AKAP13: variants seen among roughly 807,000 people sequenced by gnomAD.
The protein encoded by AKAP13 is A-kinase anchor protein 13.
Under a neutral mutation model 264.5 loss-of-function variants are expected in AKAP13, and 80 were observed. The ratio of observed to expected loss-of-function variants is 0.30; its 90% CI spans 0.25 to 0.36. The LOEUF (loss-of-function observed/expected upper bound fraction) is 0.36. Ranked by LOEUF, AKAP13 falls within the 10% of genes least tolerant of loss-of-function variation. The pLI, the probability that AKAP13 is intolerant of heterozygous loss-of-function variation, is 1.00. For missense variants in AKAP13, 3,712 were observed against 3,435.2 expected, an observed-to-expected ratio of 1.08 and a Z score of -2.01; for synonymous variants, 1,380 against 1,250.2, an observed-to-expected ratio of 1.10 and a Z score of -2.19.
intron 4 of AKAP13, among the ~76,000 whole-genome samples, 161 bp from the exon 5 acceptor site, chr15:85,543,611 C>A (rs1261729882): frequency 6.6e-6 from 1 of 152,198 alleles, no homozygotes; most frequent in Non-Finnish European, 1.5e-5. Flanking sequence ...AGGGCTGATT[C>A]TACCTGGCCA....
chr15:85,618,761 T>A (rs1290611475), intron 8 of AKAP13, among the ~76,000 whole-genome samples: 2 of 152,168 alleles, frequency 1.3e-5, no homozygotes, highest in Admixed American at 1.3e-4. Flanking sequence ...CAACAAATAT[T>A]AACATACACA....
At chr15:85,601,557 A>T (rs537155438) in intron 8 of AKAP13, among the ~76,000 whole-genome samples, 1 of 150,662 alleles carries the variant, frequency 6.6e-6, no homozygotes, top group Admixed American at 6.6e-5. Context: ...TTATCACATT[A>T]AACTGCCAAT....
chr15:85,679,763 T>G (rs1422598628), intron 14 of AKAP13, among the ~76,000 whole-genome samples: 1 of 152,236 alleles, frequency 6.6e-6, no homozygotes, highest in African/African-American at 2.4e-5. Context: ...AGTTGAAATA[T>G]ATTATTTACC....
At chr15:85,462,762 C>T (rs1171338736) in intron 1 of AKAP13, among the ~76,000 whole-genome samples, 3 of 152,154 alleles carry the variant, frequency 2.0e-5, no homozygotes, top group East Asian at 1.9e-4. Context: ...TGGTGGCTCA[C>T]GCCTGTAATC....
At chr15:85,494,687 G>A (rs904558882) in intron 2 of AKAP13, among the ~76,000 whole-genome samples, 2 of 152,164 alleles carry the variant, frequency 1.3e-5, no homozygotes, top group Admixed American at 6.5e-5. Flanking sequence ...GAGAGATTGA[G>A]GGAAGTTGCC....
chr15:85,689,189 A>G (rs530547819), intron 16 of AKAP13, among the ~76,000 whole-genome samples: 14 of 152,348 alleles, frequency 9.2e-5, no homozygotes, highest in African/African-American at 3.4e-4. Flanking sequence ...AGTATACTAC[A>G]TGACTTTGTA....
chr15:85,643,436 A>C (rs1246492964), intron 9 of AKAP13, among the ~76,000 whole-genome samples: 1 of 152,210 alleles, frequency 6.6e-6, no homozygotes, highest in Non-Finnish European at 1.5e-5. Flanking sequence ...AGCGCAAATA[A>C]TTCAGTGATT....
At chr15:85,387,952 T>A (rs2070661194) in intron 1 of AKAP13, among the ~76,000 whole-genome samples, 1 of 152,122 alleles carries the variant, frequency 6.6e-6, no homozygotes, top group Non-Finnish European at 1.5e-5. Flanking sequence ...TTTTGTAGAT[T>A]TTTGGAATTT....
chr15:85,736,413 T>A (rs917107674), intron 33 of AKAP13, among the ~76,000 whole-genome samples: 22 of 133,552 alleles, frequency 1.6e-4, no homozygotes, highest in African/African-American at 5.5e-4. Flanking sequence ...GGAAGCCTCT[T>A]GCTGTTTTTT....
chr15:85,723,454 G>C, intron 26 of AKAP13, 134 bp downstream of exon 26: 1 of 1,264,010 alleles, frequency 7.9e-7, no homozygotes. Context: ...GGAGCAACAA[G>C]CATTTAGTTC....
chr15:85,421,495 T>G (rs1482364801), intron 1 of AKAP13, among the ~76,000 whole-genome samples: 1 of 152,280 alleles, frequency 6.6e-6, no homozygotes, highest in Non-Finnish European at 1.5e-5. Flanking sequence ...TTTGATCATT[T>G]CTGTCACTGT....
chr15:85,551,035 C>G (rs565249550), intron 5 of AKAP13, among the ~76,000 whole-genome samples: 2 of 152,298 alleles, frequency 1.3e-5, no homozygotes, highest in African/African-American at 2.4e-5. Flanking sequence ...GTTAGTCGCT[C>G]TTTTCACAAC....
At chr15:85,441,538 G>A (rs981228287) in intron 1 of AKAP13, among the ~76,000 whole-genome samples, 1 of 151,708 alleles carries the variant, frequency 6.6e-6, no homozygotes, top group Non-Finnish European at 1.5e-5. Context: ...TTTCTTTTAT[G>A]GATCATACAT....
intron 4 of AKAP13, chr15:85,536,532 A>G (rs1373966029): frequency 6.6e-6 from 1 of 152,250 alleles, no homozygotes; most frequent in Non-Finnish European, 1.5e-5. Flanking sequence ...ACGTGCTCAT[A>G]GTAATGTTAT....
At chr15:85,562,591 A>T (rs2078428313) in intron 5 of AKAP13, among the ~76,000 whole-genome samples, 1 of 127,496 alleles carries the variant, frequency 7.8e-6, no homozygotes, top group Non-Finnish European at 1.7e-5. Context: ...ATATATATAT[A>T]TATATATATA....
chr15:85,591,596 G>A (rs1464555130), intron 8 of AKAP13, among the ~76,000 whole-genome samples: 1 of 151,984 alleles, frequency 6.6e-6, no homozygotes, highest in African/African-American at 2.4e-5. Context: ...TGAGCCAGAT[G>A]CTGGAGGCAA....
At chr15:85,406,219 C>T (rs549422164) in intron 1 of AKAP13, among the ~76,000 whole-genome samples, 19 of 152,240 alleles carry the variant, frequency 1.2e-4, no homozygotes, top group African/African-American at 3.6e-4. Flanking sequence ...TTGATTAAGA[C>T]TGCACACCCC....
At chr15:85,461,717 G>C (rs2074526081) in intron 1 of AKAP13, among the ~76,000 whole-genome samples, 1 of 151,726 alleles carries the variant, frequency 6.6e-6, no homozygotes, top group South Asian at 2.1e-4. Context: ...TTCTTTTCCT[G>C]TTGATAGTTT....
intron 1 of AKAP13, among the ~76,000 whole-genome samples, chr15:85,385,566 C>T (rs2070516828): frequency 6.6e-6 from 1 of 152,168 alleles, no homozygotes; most frequent in Non-Finnish European, 1.5e-5. Flanking sequence ...CTGGAAATTG[C>T]TGATCTGTTT....
Sources: gnomAD v4.1 joint callset for allele counts (sites outside exome capture counted in the v4.1 genomes callset) on GRCh38, gnomAD v4.1.1 for gene constraint, MANE v1.5 for transcripts, NCBI Gene and HGNC (gene_info 2026-07-23, HGNC 2026-07-21) for gene names.